The following CDH11 variants were observed in gnomAD, a reference collection of about 807,000 sequenced individuals.
The protein encoded by CDH11 is cadherin 11.
Under a neutral mutation model 67.8 loss-of-function variants are expected in CDH11, and 11 were observed. The observed-to-expected ratio is 0.16, with a 90% CI of 0.10 to 0.27. The LOEUF (loss-of-function observed/expected upper bound fraction) is 0.27. Ranked by LOEUF, CDH11 falls within the 10% of genes least tolerant of loss-of-function variation. The pLI is 1.00. For synonymous variants in CDH11, 419 were observed against 400.0 expected (o/e 1.05, Z -0.57); for missense variants, 847 against 1,031.2 (o/e 0.82, Z 2.45).
intron 11 of CDH11, among the ~76,000 whole-genome samples, chr16:64,951,924 C>T (rs1416327959): frequency 1.3e-5 from 2 of 152,056 alleles, no homozygotes; most frequent in Non-Finnish European, 2.9e-5. Context: ...AAGTTTGTTG[C>T]TCACATAACA....
intron 7 of CDH11, among the ~76,000 whole-genome samples, chr16:64,983,774 T>C (rs974602387): frequency 2.6e-5 from 4 of 152,188 alleles, no homozygotes; most frequent in Non-Finnish European, 4.4e-5. Context: ...ATGATATTTA[T>C]AGGCTGAACA....
intron 2 of CDH11, among the ~76,000 whole-genome samples, chr16:65,033,236 A>AC (rs2073680305): frequency 7.8e-6 from 1 of 127,404 alleles, no homozygotes. Flanking sequence ...TAAACTAGGA[A>AC]AACACACACA....
At position 64,972,031 on chromosome 16, in the gene CDH11, G is replaced by A. The variant is rs141063325; in HGVS notation, c.1424C>T (p.Ala475Val). The A allele has an allele frequency of 4.7e-3, 7,632 of 1,613,330 alleles. 49 individuals carry two copies. Among genetic ancestry groups the A allele is most frequent in the Non-Finnish European group, 4.4e-3 (5,225 of 1,179,338 alleles). Residue 475 changes from alanine (A) to valine (V), a missense_variant, in exon 10 of 13, where the codon GCC (alanine) becomes GTC (valine). Transcript: ENST00000268603. ...ATCGTTGACATCAAGGACCCTAATG[G>A]CCACTGGGACTTTGGCTTCCTGATG... ...NRHQEAKVPV[A>V]IRVLDVNDNA...
intron 1 of CDH11, among the ~76,000 whole-genome samples, chr16:65,075,431 C>A (rs1229555279): frequency 6.6e-6 from 1 of 152,178 alleles, no homozygotes; most frequent in African/African-American, 2.4e-5. Context: ...GTGTCCCTGA[C>A]CATGTAAATA....
At chr16:64,952,781 A>G (rs1010952387) in intron 11 of CDH11, among the ~76,000 whole-genome samples, 2 of 152,148 alleles carry the variant, frequency 1.3e-5, no homozygotes, top group Non-Finnish European at 2.9e-5. Flanking sequence ...ATGGCCCAAT[A>G]GCTGGTAGGC....
At chr16:64,958,405 T>C (rs1567489365) in intron 11 of CDH11, among the ~76,000 whole-genome samples, 1 of 44,078 alleles carries the variant, frequency 2.3e-5, no homozygotes, top group South Asian at 1.0e-3. Context: ...TATTATTCTG[T>C]TATTATTATT....
intron 2 of CDH11, among the ~76,000 whole-genome samples, chr16:65,035,358 A>T (rs1467140920): frequency 6.6e-6 from 1 of 152,176 alleles, no homozygotes; most frequent in Non-Finnish European, 1.5e-5. Context: ...ATTCAGCTCA[A>T]AGTAAGTTGC....
At chr16:65,066,062 G>A (rs1169607847) in intron 1 of CDH11, among the ~76,000 whole-genome samples, 3 of 152,190 alleles carry the variant, frequency 2.0e-5, no homozygotes, top group Non-Finnish European at 4.4e-5. Context: ...TGCCCTCAGG[G>A]AAAGCCCTTC....
chr16:65,113,682 T>C (rs1234506097), intron 1 of CDH11, among the ~76,000 whole-genome samples: 2 of 152,148 alleles, frequency 1.3e-5, no homozygotes, highest in African/African-American at 4.8e-5. Flanking sequence ...AAACTGTATC[T>C]CATCAGATTA....
At chr16:65,081,554 A>G (rs2074610880) in intron 1 of CDH11, among the ~76,000 whole-genome samples, 10 of 150,636 alleles carry the variant, frequency 6.6e-5, no homozygotes, top group Admixed American at 6.6e-4. Context: ...GGGTGACTGA[A>G]CGAGACTCTG....
At chr16:64,953,688 A>G (rs1008542949) in intron 11 of CDH11, among the ~76,000 whole-genome samples, 1 of 152,182 alleles carries the variant, frequency 6.6e-6, no homozygotes, top group Non-Finnish European at 1.5e-5. Flanking sequence ...TAATAAATTA[A>G]TTCAAAATAT....
At chr16:65,068,263 C>T (rs922313013) in intron 1 of CDH11, among the ~76,000 whole-genome samples, 5 of 151,672 alleles carry the variant, frequency 3.3e-5, no homozygotes, top group Non-Finnish European at 7.4e-5. Flanking sequence ...ATAAAGTAAT[C>T]AGGTGAGTGA....
chr16:65,011,729 G>A (rs894957775), intron 2 of CDH11, among the ~76,000 whole-genome samples: 9 of 152,168 alleles, frequency 5.9e-5, no homozygotes, highest in African/African-American at 2.2e-4. Context: ...TATCTGCAGT[G>A]TCATCTCTGA....
At chr16:65,100,785 T>A (rs1435444969) in intron 1 of CDH11, among the ~76,000 whole-genome samples, 1 of 148,546 alleles carries the variant, frequency 6.7e-6, no homozygotes, top group Non-Finnish European at 1.5e-5. Context: ...CAAAAGATAG[T>A]GAATTTGAGG....
chr16:64,962,834 T>A (rs1003232467), intron 11 of CDH11, among the ~76,000 whole-genome samples: 1 of 152,182 alleles, frequency 6.6e-6, no homozygotes, highest in African/African-American at 2.4e-5. Context: ...CTCTAGGCCA[T>A]CCCAGGTATC....
In CDH11 at chr16:64,945,633, A is replaced by T; in HGVS notation, c.*1970T>A. The T allele has an allele frequency of 2.9e-6, 3 of 1,036,458 alleles. No individual in the cohort carries two copies. The highest frequency in any genetic ancestry group is 3.5e-6 in the Non-Finnish European group (3 of 860,742). The allele number at this position is 1,036,458 out of a possible 1,614,324, so 64.2% of individuals were successfully genotyped here. A position where few individuals can be genotyped will look rare whatever the true frequency, so the allele number is the denominator to read the frequency against. On this transcript the variant is annotated 3_prime_UTR_variant, in exon 13 of 13. Coordinates refer to ENST00000268603, the MANE Select transcript of CDH11 (RefSeq NM_001797.4). ...AATTATGGAAGTATTGAGAATGTGT[A>T]ATCCTTCACTGAGATGAAAGATTCT...
At chr16:65,111,564 G>T (rs2075156997) in intron 1 of CDH11, among the ~76,000 whole-genome samples, 2 of 152,214 alleles carry the variant, frequency 1.3e-5, no homozygotes, top group South Asian at 4.2e-4. Context: ...AAAAGCTAAT[G>T]TAATGTAGCC....
chr16:64,953,491 T>C (rs1245117338), intron 11 of CDH11, among the ~76,000 whole-genome samples: 1 of 152,060 alleles, frequency 6.6e-6, no homozygotes, highest in Non-Finnish European at 1.5e-5. Context: ...CTGAATTTTG[T>C]ATGATTGGCA....
intron 1 of CDH11, among the ~76,000 whole-genome samples, chr16:65,097,384 C>G (rs150447404): frequency 5.2e-4 from 79 of 152,308 alleles, no homozygotes; most frequent in African/African-American, 1.9e-3. Context: ...CATGACTGTT[C>G]AATAATGAAA....
Sources: allele counts gnomAD v4.1 joint callset (sites outside exome capture counted in the v4.1 genomes callset), GRCh38; gene constraint gnomAD v4.1.1; transcripts MANE v1.5; gene names NCBI Gene and HGNC (gene_info 2026-07-23, HGNC 2026-07-21).